Variants in SLCO1A2 observed in about 807,000 individuals in gnomAD.
The protein encoded by SLCO1A2 is OATP-1.
In SLCO1A2, 67 loss-of-function variants were observed where a neutral mutation model predicts 69.0. The ratio of observed to expected loss-of-function variants is 0.97; its 90% CI spans 0.80 to 1.19. SLCO1A2 has a LOEUF of 1.19. SLCO1A2 is among the 50% of genes most tolerant of loss of function. The probability of loss-of-function intolerance (pLI) is 0.00; values close to 1 mark genes in which losing one functional copy is unlikely to be tolerated. For synonymous variants in SLCO1A2, 260 were observed against 265.9 expected (o/e 0.98, Z 0.22); for missense variants, 787 against 793.7 (o/e 0.99, Z 0.10).
chr12:21,302,749 G>T (rs1331342083), intron 6 of SLCO1A2, among the ~76,000 whole-genome samples: 1 of 151,072 alleles, frequency 6.6e-6, no homozygotes, highest in Non-Finnish European at 1.5e-5. Context: ...TAGAGATGGG[G>T]TTTTATCATA....
intron 2 of SLCO1A2, among the ~76,000 whole-genome samples, chr12:21,367,941 A>C (rs764355587): frequency 1.3e-5 from 2 of 152,204 alleles, no homozygotes; most frequent in Non-Finnish European, 2.9e-5. Flanking sequence ...GTTCTCTTTC[A>C]TTGAAGAATT....
intron 2 of SLCO1A2, among the ~76,000 whole-genome samples, chr12:21,363,069 C>T (rs1352464084): frequency 6.6e-6 from 1 of 152,244 alleles, no homozygotes; most frequent in Admixed American, 6.5e-5. Flanking sequence ...CAGAACTCTC[C>T]ACCCCAAAAC....
upstream of SLCO1A2, among the ~76,000 whole-genome samples, chr12:21,396,430 C>T (rs1591915596): frequency 6.8e-6 from 1 of 148,004 alleles, no homozygotes; most frequent in African/African-American, 2.5e-5. Context: ...AGAATGGAAC[C>T]AAGTTGGAAA....
At chr12:21,290,130 A>C (rs768403535) in intron 12 of SLCO1A2, among the ~76,000 whole-genome samples, 2 of 151,976 alleles carry the variant, frequency 1.3e-5, no homozygotes, top group Non-Finnish European at 2.9e-5. Flanking sequence ...ATATTTATAT[A>C]TAGTACTTAA....
intron 1 of SLCO1A2, chr12:21,378,572 T>G: frequency 1.5e-6 from 1 of 664,246 alleles, no homozygotes; most frequent in Non-Finnish European, 2.7e-6. Flanking sequence ...AAAGATTGTT[T>G]TATATGTAGT....
upstream of SLCO1A2, among the ~76,000 whole-genome samples, chr12:21,397,497 T>C (rs1248631999): frequency 6.6e-6 from 1 of 151,958 alleles, no homozygotes; most frequent in Non-Finnish European, 1.5e-5. Context: ...ACCCAGGAAC[T>C]GAACTCAGCT....
At chr12:21,373,290 G>A (rs1939933425) in intron 2 of SLCO1A2, 1 of 1,101,330 alleles carries the variant, frequency 9.1e-7, no homozygotes, top group Non-Finnish European at 1.4e-6. Flanking sequence ...ACATCAATTA[G>A]AACTGTAAGA....
chr12:21,407,024 CCTT>C (rs1413632154), intron 1 of SLCO1A2, among the ~76,000 whole-genome samples: 1 of 152,146 alleles, frequency 6.6e-6, no homozygotes, highest in Admixed American at 6.5e-5. Context: ...ATACCTACCT[CCTT>C]GTTTCACTTT....
At chr12:21,408,551 A>G (rs1941858905) in intron 1 of SLCO1A2, among the ~76,000 whole-genome samples, 1 of 152,118 alleles carries the variant, frequency 6.6e-6, no homozygotes, top group Non-Finnish European at 1.5e-5. Flanking sequence ...TCTACCAGAA[A>G]TCCGCAACTG....
intron 1 of SLCO1A2, among the ~76,000 whole-genome samples, chr12:21,392,672 C>T (rs1361578127): frequency 6.6e-6 from 1 of 152,158 alleles, no homozygotes; most frequent in African/African-American, 2.4e-5. Context: ...CACATGCTGG[C>T]AATGAGAGTT....
intron 1 of SLCO1A2, among the ~76,000 whole-genome samples, chr12:21,383,428 G>A (rs1273966958): frequency 6.6e-6 from 1 of 151,850 alleles, no homozygotes; most frequent in Non-Finnish European, 1.5e-5. Flanking sequence ...TGCTTCCCTT[G>A]TGCATTAACC....
chr12:21,376,258 G>T, intron 1 of SLCO1A2: 1 of 237,964 alleles, frequency 4.2e-6, no homozygotes, highest in Non-Finnish European at 9.1e-6. Flanking sequence ...ACATATCTTG[G>T]AACAGATATT....
chr12:21,387,242 C>G (rs1346394686), intron 1 of SLCO1A2, among the ~76,000 whole-genome samples: 1 of 152,232 alleles, frequency 6.6e-6, no homozygotes. Flanking sequence ...GGGACAAATT[C>G]AAGCCAGCTG....
At chr12:21,366,619 GACC>G (rs1369369752) in intron 2 of SLCO1A2, among the ~76,000 whole-genome samples, 1 of 151,880 alleles carries the variant, frequency 6.6e-6, no homozygotes, top group Non-Finnish European at 1.5e-5. Flanking sequence ...AGGAAATGAA[GACC>G]ACAACAGAAG....
intron 1 of SLCO1A2, among the ~76,000 whole-genome samples, chr12:21,375,343 G>A (rs1480752771): frequency 6.6e-6 from 1 of 152,162 alleles, no homozygotes; most frequent in Non-Finnish European, 1.5e-5. Flanking sequence ...GATTTGTCAT[G>A]CTGAGATGTT....
chr12:21,359,113 G>A (rs2137039009), intron 2 of SLCO1A2, among the ~76,000 whole-genome samples: 1 of 152,234 alleles, frequency 6.6e-6, no homozygotes, highest in East Asian at 1.9e-4. Flanking sequence ...CAGAAGCAAG[G>A]CCATGGGATA....
intron 2 of SLCO1A2, among the ~76,000 whole-genome samples, chr12:21,342,987 C>G (rs918252476): frequency 6.6e-6 from 1 of 152,084 alleles, no homozygotes; most frequent in Non-Finnish European, 1.5e-5. Flanking sequence ...GCTGACATGA[C>G]CTGTGCGTCA....
intron 14 of SLCO1A2, among the ~76,000 whole-genome samples, chr12:21,272,257 T>C (rs1943014434): frequency 1.3e-5 from 2 of 152,022 alleles, no homozygotes; most frequent in South Asian, 2.1e-4. Context: ...ATACAGATTA[T>C]ATATGTTTAT....
At chr12:21,403,569 T>C (rs1395794010) in intron 1 of SLCO1A2, 1 of 152,096 alleles carries the variant, frequency 6.6e-6, no homozygotes, top group Admixed American at 6.6e-5. Context: ...AGCAGAGTTG[T>C]AAATAAAAGA....
Sources: allele counts gnomAD v4.1 joint callset (sites outside exome capture counted in the v4.1 genomes callset), GRCh38; gene constraint gnomAD v4.1.1; transcripts MANE v1.5; gene names NCBI Gene and HGNC (gene_info 2026-07-23, HGNC 2026-07-21).